Variants in OVCH1 observed in about 807,000 individuals in gnomAD.
The protein encoded by OVCH1 is ovochymase 1, also known as ovochymase-1.
Under a neutral mutation model 138.4 loss-of-function variants are expected in OVCH1, and 139 were observed. The observed-to-expected ratio is 1.00, with a 90% CI of 0.87 to 1.16. The LOEUF (loss-of-function observed/expected upper bound fraction) is 1.16, where lower values mean the gene tolerates loss of function less well. OVCH1 is among the 50% of genes most tolerant of loss of function. OVCH1 has a pLI of 0.00. For synonymous variants in OVCH1, 453 were observed against 467.8 expected, an observed-to-expected ratio of 0.97 and a Z score of 0.41; for missense variants, 1,367 against 1,357.9, an observed-to-expected ratio of 1.01 and a Z score of -0.11.
At chr12:29,471,036 A>G (rs952056764) in intron 16 of OVCH1, among the ~76,000 whole-genome samples, 3 of 152,060 alleles carry the variant, frequency 2.0e-5, no homozygotes, top group Non-Finnish European at 4.4e-5. Context: ...GTGTCTGTTC[A>G]TATCCTTTGC....
Position 29,446,961 on chromosome 12 carries a change from AAAC to A in OVCH1, c.2756-1561_2756-1559del, listed in dbSNP as rs1437437719. On this transcript the variant is annotated intron_variant, in intron 22 of 27. Transcript: ENST00000318184. ...TAAAAAATTTTTACATTAACATAAT[AAAC>A]AACACAAAAGCAAATGACAATACTA... Among the ~76,000 whole-genome samples the A allele has an allele frequency of 4.5e-5, 6 of 134,638 alleles. No homozygotes were observed. In the East Asian group the frequency reaches 1.2e-3, roughly 27 times the overall value. The allele number at this position is 134,638 out of a possible 152,430, so 88.3% of individuals were successfully genotyped here. A position where few individuals can be genotyped will look rare whatever the true frequency, so the allele number is the denominator to read the frequency against.
At chr12:29,406,317 TTTA>T in the OVCH1 span, among the ~76,000 whole-genome samples, 1 of 152,140 alleles carries the variant, frequency 6.6e-6, no homozygotes, top group Non-Finnish European at 1.5e-5. Flanking sequence ...TTTATTTATT[TTTA>T]TTATTATACT....
At chr12:29,495,346 G>A in exon 4 of OVCH1, 2 of 1,613,262 alleles carry the variant, frequency 1.2e-6, no homozygotes, top group Non-Finnish European at 1.7e-6. Context: ...ATTCACGGCT[G>A]TTGTATTCAG....
At chr12:29,476,777 A>G (rs879800685) in intron 12 of OVCH1, among the ~76,000 whole-genome samples, 8,849 of 125,856 alleles carry the variant, frequency 0.07, 413 homozygotes, top group Non-Finnish European at 0.096. Context: ...ACACACACAC[A>G]CACACACACA....
downstream of OVCH1, among the ~76,000 whole-genome samples, chr12:29,425,497 C>G (rs1212183710): frequency 6.6e-6 from 1 of 152,184 alleles, no homozygotes; most frequent in Non-Finnish European, 1.5e-5. Flanking sequence ...TGTTCTTCCT[C>G]TCCTTGTGTC....
At chr12:29,408,626 A>G (rs1206401844), downstream of OVCH1, among the ~76,000 whole-genome samples, 1 of 130,034 alleles carries the variant, frequency 7.7e-6, no homozygotes, top group Non-Finnish European at 1.7e-5. Flanking sequence ...ATTTGCATAT[A>G]TTGAACCAGC....
intron 3 of OVCH1, among the ~76,000 whole-genome samples, chr12:29,495,701 T>C (rs1943397481): frequency 6.7e-6 from 1 of 148,666 alleles, no homozygotes; most frequent in African/African-American, 2.6e-5. Context: ...CTTTTCTTCT[T>C]TGATATACAA....
downstream of OVCH1, chr12:29,427,474 T>C (rs1384873499): frequency 2.7e-6 from 4 of 1,502,322 alleles, no homozygotes; most frequent in Non-Finnish European, 3.6e-6. Flanking sequence ...TCAGGTAAGG[T>C]AGCATTTGAA....
chr12:29,429,829 G>T (rs1279726572), intron 27 of OVCH1, among the ~76,000 whole-genome samples: 1 of 152,148 alleles, frequency 6.6e-6, no homozygotes, highest in African/African-American at 2.4e-5. Context: ...AATCTAATTG[G>T]AATGTCTACA....
intron 18 of OVCH1, among the ~76,000 whole-genome samples, chr12:29,462,731 A>T (rs1181719144): frequency 6.6e-6 from 1 of 152,150 alleles, no homozygotes. Context: ...ATAATACAAC[A>T]ACATTTTTCA....
chr12:29,496,115 C>G (rs1943407666), intron 3 of OVCH1, 66 bp downstream of exon 3: 1 of 1,413,800 alleles, frequency 7.1e-7, no homozygotes, highest in African/African-American at 1.4e-5. Context: ...CTATTTAGAG[C>G]AACAAATCTG....
intron 3 of OVCH1, 134 bp downstream of exon 3, chr12:29,496,047 G>T (rs905718179): frequency 4.2e-6 from 3 of 711,530 alleles, no homozygotes; most frequent in Non-Finnish European, 7.0e-6. Context: ...GAATCAGGAA[G>T]ATCAGTGGGT....
At chr12:29,427,588 A>G (rs1252050922) in exon 28 of OVCH1, 4 of 1,551,456 alleles carry the variant, frequency 2.6e-6, no homozygotes, top group Non-Finnish European at 3.5e-6. Flanking sequence ...CCAGAAAGTG[A>G]GCCCTTAGCA....
At chr12:29,477,514 T>C in intron 10 of OVCH1, 36 bp from the exon 11 acceptor site, 1 of 1,613,918 alleles carries the variant, frequency 6.2e-7, no homozygotes, top group Non-Finnish European at 8.5e-7. Context: ...ATAACATTAC[T>C]AAAAAGTGGT....
At chr12:29,416,733 G>C (rs1287468464) in intron 3 of OVCH1, among the ~76,000 whole-genome samples, 1 of 152,150 alleles carries the variant, frequency 6.6e-6, no homozygotes, top group Non-Finnish European at 1.5e-5. Flanking sequence ...AACTACCATG[G>C]AAAAACAGCT....
intron 27 of OVCH1, among the ~76,000 whole-genome samples, chr12:29,430,002 T>C (rs1941241905): frequency 7.1e-6 from 1 of 139,910 alleles, no homozygotes. Flanking sequence ...AATCACAAAC[T>C]GTAAATCCAT....
At chr12:29,453,420 A>G (rs553084386) in intron 21 of OVCH1, among the ~76,000 whole-genome samples, 2 of 151,826 alleles carry the variant, frequency 1.3e-5, no homozygotes, top group Non-Finnish European at 2.9e-5. Flanking sequence ...CAGCTCCTCA[A>G]TTTTCCTCCA....
In OVCH1 at chr12:29,448,415, C is replaced by T. The variant is rs545233619; in HGVS notation, c.2755+2930G>A. ...GGCAGGGGCGTGATACAACTTACAT[C>T]AGTCAAGGTTGGTCTCATTAAGAAG... On this transcript the variant is annotated intron_variant, in intron 22 of 27. Transcript: ENST00000318184. Among the ~76,000 whole-genome samples, 6 of 151,920 alleles carry T rather than the reference C, an allele frequency of 3.9e-5. No homozygotes were observed. The East Asian group carries it at 9.7e-4, about 25-fold the overall frequency.
chr12:29,472,991 A>C (rs1046649177), intron 15 of OVCH1, 38 bp downstream of exon 15: 2 of 1,523,450 alleles, frequency 1.3e-6, no homozygotes, highest in Non-Finnish European at 1.8e-6. Context: ...ATGAAGAAAC[A>C]AGATTAAACA....
Sources: allele counts gnomAD v4.1 joint callset (sites outside exome capture counted in the v4.1 genomes callset), GRCh38; gene constraint gnomAD v4.1.1; transcripts MANE v1.5; gene names NCBI Gene and HGNC (gene_info 2026-07-23, HGNC 2026-07-21).